Variants in FTSJ3 observed in about 807,000 individuals in gnomAD.
The protein encoded by FTSJ3 is FtsJ RNA 2'-O-methyltransferase 3.
A neutral mutation model predicts 111.5 loss-of-function variants in FTSJ3; 46 were observed. The observed-to-expected ratio is 0.41, with a 90% CI of 0.33 to 0.53. The LOEUF (loss-of-function observed/expected upper bound fraction) is 0.53, where lower values mean the gene tolerates loss of function less well. Among genes scored for constraint, FTSJ3 ranks in the 20% least tolerant of loss-of-function variants. FTSJ3 has a pLI of 0.19. For synonymous variants in FTSJ3, 408 were observed against 383.0 expected (o/e 1.07, Z -0.76); for missense variants, 1,075 against 1,063.8 (o/e 1.01, Z -0.15).
intron 19 of FTSJ3, 29 bp from the exon 20 acceptor site, chr17:63,820,202 T>TGGGGGGGGGGGGGGGCCC: frequency 6.3e-7 from 1 of 1,593,210 alleles, no homozygotes; most frequent in Non-Finnish European, 8.6e-7. Context: ...GGTGACCTCT[T>TGGGGGGGGGGGGGGGCCC]CCCCATCCCC....
Position 63,825,112 on chromosome 17 carries a change from G to A in FTSJ3, c.647C>T (p.Ala216Val), listed in dbSNP as rs749771391. Residue 216 changes from alanine to valine, a missense_variant, in exon 8 of 21, where the codon GCC becomes GTC. Coordinates refer to ENST00000427159, the MANE Select transcript of FTSJ3 (RefSeq NM_017647.4). Reference protein sequence around the residue: ...VDSKFFDPKFAFKEVEVQAKT... With the variant: ...VDSKFFDPKFVFKEVEVQAKT... ...AGCCTGAACTTCAACCTCCTTAAAG[G>A]CAAATTTGGGGTCAAAGAATTTACT... 5 of 1,614,090 alleles carry A rather than the reference G, an allele frequency of 3.1e-6. No homozygotes were observed. In the African/African-American group the frequency reaches 4.0e-5, roughly 13 times the overall value.
rs1333352543 is a variant in FTSJ3 at position 63,826,944 on chromosome 17, A to G, written c.-26-16T>C. The G allele has an allele frequency of 6.5e-7, 1 of 1,543,094 alleles. No individual in the cohort carries two copies. Among genetic ancestry groups the G allele is most frequent in the South Asian group, 1.1e-5 (1 of 89,658 alleles). On this transcript the variant is annotated splice_polypyrimidine_tract_variant and intron_variant, in intron 1 of 20. Coordinates refer to ENST00000427159, the MANE Select transcript of FTSJ3 (RefSeq NM_017647.4). Reference sequence around the variant, plus strand: ...ATCCCTCAATCTGGGGAGAAAGTAGAAGTTGGGAACGTCTCTTTCCGGAGC... The same window carrying G: ...ATCCCTCAATCTGGGGAGAAAGTAGGAGTTGGGAACGTCTCTTTCCGGAGC...
chr17:63,820,983 A>G, intron 17 of FTSJ3, 45 bp from the exon 18 acceptor site: 1 of 1,609,554 alleles, frequency 6.2e-7, no homozygotes, highest in South Asian at 1.1e-5. Flanking sequence ...CCCAATACTG[A>G]GACTTCCAGT....
chr17:63,821,259 C>G (rs1368234075), intron 16 of FTSJ3, 95 bp downstream of exon 16: 12 of 1,495,696 alleles, frequency 8.0e-6, no homozygotes, highest in South Asian at 1.2e-5. Context: ...TTTTAACCCT[C>G]CCCATGTGCA....
chr17:63,824,200 G>A lies in FTSJ3; in HGVS notation c.1038C>T (p.Asp346=), dbSNP rs187282808. 1.8e-5 allele frequency: 29 copies of A among 1,614,006 alleles called. No homozygotes were observed. The East Asian group carries it at 2.2e-4, about 12-fold the overall frequency. ...GCTGCTTTGTGGTTCCAGCTGTTGAGTCCTCCTCATCACCTTCATCTTCCT... is the reference window on the plus strand; with the variant it reads ...GCTGCTTTGTGGTTCCAGCTGTTGAATCCTCCTCATCACCTTCATCTTCCT... ...SGEEDEGDEE[D]STAGTTKQPS... Residue 346 remains aspartate, a synonymous_variant, in exon 12 of 21, where the codon GAC becomes GAT. Coordinates refer to ENST00000427159, the MANE Select transcript of FTSJ3 (RefSeq NM_017647.4).
At chr17:63,822,338 A>G in intron 13 of FTSJ3, 170 bp from the exon 14 acceptor site, 1 of 599,820 alleles carries the variant, frequency 1.7e-6, no homozygotes, top group Non-Finnish European at 2.9e-6. Flanking sequence ...TGGCCTGTTT[A>G]CAACATCCCG....
Position 63,827,090 on chromosome 17 carries a change from C to A in FTSJ3, c.-65G>T. 1.7e-6 allele frequency: 1 copy of A among 584,432 alleles called. No homozygotes were observed. The highest frequency in any genetic ancestry group is 2.9e-6 in the Non-Finnish European group (1 of 345,228). The allele number at this position is 584,432 out of a possible 1,614,324, so 36.2% of individuals were successfully genotyped here. A position where few individuals can be genotyped will look rare whatever the true frequency, so the allele number is the denominator to read the frequency against. ...CGCTTTCTCCACACTTGGAACCGCA[C>A]AAGTATGCAGCTAACTACTTCCGCT... is the stretch of plus-strand genomic sequence containing the variant. On this transcript the variant is annotated 5_prime_UTR_variant, in exon 1 of 21. Transcript: ENST00000427159.
chr17:63,825,842 A>ATT, intron 5 of FTSJ3: 1 of 629,914 alleles, frequency 1.6e-6, no homozygotes, highest in South Asian at 2.0e-5. Flanking sequence ...GACTTCACTA[A>ATT]AGATCTCTGC....
Position 63,826,575 on chromosome 17 carries a change from T to C in FTSJ3, c.165A>G (p.Pro55=), listed in dbSNP as rs748410044. 124 of 1,613,270 alleles carry C rather than the reference T, an allele frequency of 7.7e-5. No homozygotes were observed. Among genetic ancestry groups the C allele is most frequent in the Non-Finnish European group, 9.4e-5 (111 of 1,179,442 alleles). The change falls in exon 3 of 21, where the codon CCA becomes CCG. Residue 55 remains proline (P), a synonymous_variant. Coordinates refer to ENST00000427159, the MANE Select transcript of FTSJ3 (RefSeq NM_017647.4). ...TGGCGAGTGTTACGAACCATCCCCC[T>C]GGCGCAGCACACAGGTCCAGCAAGG... is the stretch of plus-strand genomic sequence containing the variant. ...ARALLDLCAA[P]GGWLQVAAKF...
Position 63,820,172 on chromosome 17 carries a change from A to G in FTSJ3, c.2258T>C (p.Met753Thr), listed in dbSNP as rs2040034424. The change falls in exon 20 of 21, where the codon ATG (methionine) becomes ACG (threonine). Residue 753 changes from methionine to threonine, a missense_variant and splice_region_variant. Transcript: ENST00000427159. ...AEAKARKKRR[M>T]LKRLEQTRKK... ...CCTGGTCTGCTCCAGCCTCTTCAGC[A>G]TCTGCAAAGGAACCTGTCAGGTGAC... 4.3e-6 allele frequency: 7 copies of G among 1,614,014 alleles called. No homozygotes were observed. The highest frequency in any genetic ancestry group is 5.9e-6 in the Non-Finnish European group (7 of 1,179,998).
chr17:63,821,560 C>A lies in FTSJ3; in HGVS notation c.1680G>T (p.Lys560Asn). The change falls in exon 16 of 21, where the codon AAG (lysine) becomes AAT (asparagine). Residue 560 changes from lysine to asparagine, a missense_variant. Physicochemically the swap from Lys to Asn is moderately conservative, Grantham distance 94. This residue lies in a region of FTSJ3 where 867 missense variants were observed against 796.9 expected (regional missense o/e 1.09). Transcript: ENST00000427159. ...GCTGCTTCTGCTGCTGCTGCCGTCCCTTCCGCCGGTTCTCAAATAACAGCT... is the reference window on the plus strand; with the variant it reads ...GCTGCTTCTGCTGCTGCTGCCGTCCATTCCGCCGGTTCTCAAATAACAGCT... ...QAQLLFENRR[K>N]GRQQQQKQQL... 1 of 1,614,126 alleles carries A rather than the reference C, an allele frequency of 6.2e-7. No individual in the cohort carries two copies. The highest frequency in any genetic ancestry group is 8.5e-7 in the Non-Finnish European group (1 of 1,180,038).
rs756757939 is a variant in FTSJ3, at chr17:63,826,319, G to A, written c.174-15C>T. 1 of 1,607,594 alleles carries A rather than the reference G, an allele frequency of 6.2e-7. No homozygotes were observed. Among genetic ancestry groups the A allele is most frequent in the Admixed American group, 1.7e-5 (1 of 59,814 alleles). On this transcript the variant is annotated splice_polypyrimidine_tract_variant and intron_variant, in intron 3 of 20. Transcript: ENST00000427159. Reference sequence around the variant, plus strand: ...CTACCTGCAGCCTATAAAAGGAACAGAAATTTAAAAACCTAGAGCCATCCT... The same window carrying A: ...CTACCTGCAGCCTATAAAAGGAACAAAAATTTAAAAACCTAGAGCCATCCT...
At chr17:63,826,171 G>C (rs761888918) in intron 4 of FTSJ3, 36 bp from the exon 5 acceptor site, 17 of 1,610,946 alleles carry the variant, frequency 1.1e-5, no homozygotes, top group Non-Finnish European at 1.4e-5. Context: ...CTAAAAGGTT[G>C]CTTCAAGCAG....
chr17:63,820,162 C>A lies in FTSJ3; in HGVS notation c.2268G>T (p.Arg756Ser), dbSNP rs776158956. 4.3e-6 allele frequency: 7 copies of A among 1,614,180 alleles called. No homozygotes were observed. The highest frequency in any genetic ancestry group is 5.9e-6 in the Non-Finnish European group (7 of 1,180,040). Residue 756 changes from arginine to serine, a missense_variant, in exon 20 of 21, where the codon AGG becomes AGT. Coordinates refer to ENST00000427159, the MANE Select transcript of FTSJ3 (RefSeq NM_017647.4). ...KARKKRRMLK[R>S]LEQTRKKAEA... The stretch of plus-strand genomic sequence containing the variant: ...CTGCCTTCTTCCTGGTCTGCTCCAG[C>A]CTCTTCAGCATCTGCAAAGGAACCT...
At chr17:63,821,147 AC>A in intron 16 of FTSJ3, 32 bp from the exon 17 acceptor site, 2 of 1,601,758 alleles carry the variant, frequency 1.2e-6, no homozygotes, top group Non-Finnish European at 1.7e-6. Context: ...GAGTGATTCC[AC>A]CACTCTGTAC....
Position 63,826,757 on chromosome 17 carries a change from G to C in FTSJ3, c.67+79C>G. 4 of 1,553,518 alleles carry C rather than the reference G, an allele frequency of 2.6e-6. No individual in the cohort carries two copies. The South Asian group carries it at 3.3e-5, about 13-fold the overall frequency. On this transcript the variant is annotated intron_variant, in intron 2 of 20. Transcript: ENST00000427159. The stretch of plus-strand genomic sequence containing the variant: ...ACCGACCACCCCTTCTGCAGGAGAG[G>C]TACATAATGGTCGCAAAGAGCAGGC...
rs754678628 is a variant in FTSJ3, at chr17:63,826,687, C to T, written c.68-15G>A. On this transcript the variant is annotated splice_polypyrimidine_tract_variant and intron_variant, in intron 2 of 20. Transcript: ENST00000427159. ...GGAACGGTAACCTGGACAAAACAAC[C>T]AAGTGCGCAAACTGCTTCACTAGTA... 13 of 1,605,484 alleles carry T rather than the reference C, an allele frequency of 8.1e-6. No homozygotes were observed. The highest frequency in any genetic ancestry group is 1.1e-5 in the Non-Finnish European group (13 of 1,172,426).
At chr17:63,826,234 C>T (rs776022865) in intron 4 of FTSJ3, 24 bp downstream of exon 4, 2 of 1,613,514 alleles carry the variant, frequency 1.2e-6, no homozygotes, top group South Asian at 2.2e-5. Context: ...CTTAAAACAC[C>T]AAGGAGAGCT....
In FTSJ3 at chr17:63,820,250, C is replaced by G; in HGVS notation, c.2256+5G>C. ...CACCCAATCTCTGGAGGCCCCATCA[C>G]TTACCCTCCTTTTCTTTCTAGCCTT... On this transcript the variant is annotated splice_donor_5th_base_variant and intron_variant, in intron 19 of 20. Coordinates refer to ENST00000427159, the MANE Select transcript of FTSJ3 (RefSeq NM_017647.4). The G allele has an allele frequency of 6.3e-7, 1 of 1,598,442 alleles. No homozygotes were observed. The highest frequency in any genetic ancestry group is 8.6e-7 in the Non-Finnish European group (1 of 1,169,060).
Sources: allele counts gnomAD v4.1 joint callset, GRCh38; gene constraint gnomAD v4.1.1; regional missense constraint gnomAD v4.1.1; transcripts MANE v1.5; gene names NCBI Gene and HGNC (gene_info 2026-07-23, HGNC 2026-07-21).